The following SRSF12 variants were observed in gnomAD, a reference collection of about 807,000 sequenced individuals.
SRSF12 encodes the protein serine/arginine-rich splicing factor 12.
Under a neutral mutation model 34.1 loss-of-function variants are expected in SRSF12, and 21 were observed. That is an observed-to-expected ratio of 0.62 (90% confidence interval 0.44 to 0.89). The LOEUF (loss-of-function observed/expected upper bound fraction) is 0.89. SRSF12 is among the 40% of genes least tolerant of loss of function. The probability of loss-of-function intolerance (pLI) is 0.00; values close to 1 mark genes in which losing one functional copy is unlikely to be tolerated. For missense variants in SRSF12, 278 were observed against 327.8 expected (o/e 0.85, Z 1.17); for synonymous variants, 111 against 110.8 (o/e 1.00, Z -0.01).
In SRSF12 at chr6:89,107,468, A is replaced by G. The variant is rs528043337; in HGVS notation, c.66-210T>C. Among the ~76,000 whole-genome samples, 5 of 152,222 alleles carry G rather than the reference A, an allele frequency of 3.3e-5. No homozygotes were observed. In the East Asian group the frequency reaches 9.6e-4, roughly 29 times the overall value. On this transcript the variant is annotated intron_variant, in intron 1 of 4. Coordinates refer to ENST00000452027, the MANE Select transcript of SRSF12 (RefSeq NM_080743.5). ...TCTCAGGCCAGGTGTGGTGGCTCAC[A>G]CCTGTAATCCCAGCACTTTGGGGGA...
In SRSF12 at chr6:89,117,145, G is replaced by A. The variant is rs538213385; in HGVS notation, c.65+678C>T. Among the ~76,000 whole-genome samples, 19 of 152,274 alleles carry A rather than the reference G, an allele frequency of 1.2e-4. No individual in the cohort carries two copies. The South Asian group carries it at 2.5e-3, about 20-fold the overall frequency. Reference sequence around the variant, plus strand: ...CTGTAGACAAAATTCTCAACGGAGGGGTGGGGCATCAGAATCAACCAGGTG... The same window carrying A: ...CTGTAGACAAAATTCTCAACGGAGGAGTGGGGCATCAGAATCAACCAGGTG... On this transcript the variant is annotated intron_variant, in intron 1 of 4. Transcript: ENST00000452027.
chr6:89,104,668 T>C (rs1768703780), intron 4 of SRSF12, among the ~76,000 whole-genome samples: 1 of 152,160 alleles, frequency 6.6e-6, no homozygotes, highest in African/African-American at 2.4e-5. Context: ...CAATATATGA[T>C]AAATAGAGAA....
At position 89,097,408 on chromosome 6, in the gene SRSF12, G is replaced by A. The variant is rs1768317429; in HGVS notation, c.*1170C>T. On this transcript the variant is annotated 3_prime_UTR_variant, in exon 5 of 5. Transcript: ENST00000452027. ...ATTATTAGTTATAACAACTACAAAA[G>A]CAATAAATATCAATAAAGTTATTTG... 6.6e-6 allele frequency: 1 copy of A among 152,008 alleles called. No homozygotes were observed. Among genetic ancestry groups the A allele is most frequent in the South Asian group, 2.1e-4 (1 of 4,830 alleles). The allele number at this position is 152,008 out of a possible 1,614,324, so 9.4% of individuals were successfully genotyped here.
rs560239529 is a variant in SRSF12, at chr6:89,117,523, G to C, written c.65+300C>G. 3.5e-3 allele frequency among the ~76,000 whole-genome samples: 531 copies of C among 152,292 alleles called. 6 individuals carry two copies. The highest frequency in any genetic ancestry group is 0.012 in the African/African-American group (488 of 41,576). On this transcript the variant is annotated intron_variant, in intron 1 of 4. Coordinates refer to ENST00000452027, the MANE Select transcript of SRSF12 (RefSeq NM_080743.5). Reference sequence around the variant, plus strand: ...GGGAGCGACCTGAGCTCGGGAGAGGGGCGCCCCGTGTCCCACGGCCCGCCG... The same window carrying C: ...GGGAGCGACCTGAGCTCGGGAGAGGCGCGCCCCGTGTCCCACGGCCCGCCG...
At position 89,113,309 on chromosome 6, in the gene SRSF12, G is replaced by T. The variant is rs375664615; in HGVS notation, c.65+4514C>A. Among the ~76,000 whole-genome samples, 287 of 152,212 alleles carry T rather than the reference G, an allele frequency of 1.9e-3. 3 individuals are homozygous for T. Among genetic ancestry groups the T allele is most frequent in the African/African-American group, 6.2e-3 (259 of 41,534 alleles). On this transcript the variant is annotated intron_variant, in intron 1 of 4. Coordinates refer to ENST00000452027, the MANE Select transcript of SRSF12 (RefSeq NM_080743.5). ...CTGCCTCAGCCTCCCTAGTAGCTGG[G>T]ACTACAGGCGAGTGCCACCACGCCC...
Position 89,098,345 on chromosome 6 carries a change from TA to T in SRSF12, c.*232del. 3 of 391,822 alleles carry T rather than the reference TA, an allele frequency of 7.7e-6. No homozygotes were observed. The highest frequency in any genetic ancestry group is 1.3e-5 in the Non-Finnish European group (3 of 226,122). 24.3% of individuals were successfully genotyped at this position (391,822 alleles called of 1,614,324 possible). A position where few individuals can be genotyped will look rare whatever the true frequency, so the allele number is the denominator to read the frequency against. On this transcript the variant is annotated 3_prime_UTR_variant, in exon 5 of 5. Coordinates refer to ENST00000452027, the MANE Select transcript of SRSF12 (RefSeq NM_080743.5). ...AAGTACCCTTCTGCCACAATGTAAA[TA>T]AAAAATGGTCCATAAAATGGTGACA...
chr6:89,098,304 A>G lies in SRSF12; in HGVS notation c.*274T>C, dbSNP rs142368909. 2.9e-3 allele frequency: 866 copies of G among 295,140 alleles called. 3 individuals carry two copies. Among genetic ancestry groups the G allele is most frequent in the Non-Finnish European group, 4.1e-3 (653 of 159,022 alleles). 18.3% of individuals were successfully genotyped at this position (295,140 alleles called of 1,614,324 possible). A position where few individuals can be genotyped will look rare whatever the true frequency, so the allele number is the denominator to read the frequency against. On this transcript the variant is annotated 3_prime_UTR_variant, in exon 5 of 5. Transcript: ENST00000452027. ...GAATTTTAAAAATTAGTTCCAGTTT[A>G]CTCATTTCCCTTGAAAAGTACCCTT...
chr6:89,109,253 A>G (rs1470847087), intron 1 of SRSF12, among the ~76,000 whole-genome samples: 1 of 152,114 alleles, frequency 6.6e-6, no homozygotes, highest in Non-Finnish European at 1.5e-5. Context: ...GTTATGTTTA[A>G]TTTTTTCAGG....
intron 4 of SRSF12, among the ~76,000 whole-genome samples, chr6:89,099,456 G>GTATATATGTGTGTGTATA (rs1768425590): frequency 1.4e-5 from 2 of 141,316 alleles, no homozygotes; most frequent in Non-Finnish European, 1.5e-5. Flanking sequence ...ATATATGTGT[G>GTATATATGTGTGTGTATA]TATATATGTG....
chr6:89,114,383 G>A (rs1270638624), intron 1 of SRSF12, among the ~76,000 whole-genome samples: 1 of 152,174 alleles, frequency 6.6e-6, no homozygotes, highest in African/African-American at 2.4e-5. Context: ...AGCCGAGATC[G>A]TGCCACTGCA....
chr6:89,115,545 G>C (rs1769250146), intron 1 of SRSF12, among the ~76,000 whole-genome samples: 1 of 151,880 alleles, frequency 6.6e-6, no homozygotes, highest in Admixed American at 6.6e-5. Context: ...GTCTCCTAAA[G>C]TGCTGGGATT....
intron 1 of SRSF12, among the ~76,000 whole-genome samples, chr6:89,116,682 G>A (rs1486212804): frequency 6.6e-6 from 1 of 151,812 alleles, no homozygotes; most frequent in Non-Finnish European, 1.5e-5. Context: ...TGCTGAGGCA[G>A]GAGAATCGCT....
intron 1 of SRSF12, among the ~76,000 whole-genome samples, chr6:89,108,378 C>T (rs1768891337): frequency 6.6e-6 from 1 of 152,190 alleles, no homozygotes; most frequent in Admixed American, 6.5e-5. Context: ...GACAGAATTT[C>T]AGGTTATTTA....
intron 1 of SRSF12, among the ~76,000 whole-genome samples, chr6:89,107,697 C>T (rs1264727251): frequency 6.6e-6 from 1 of 152,100 alleles, no homozygotes; most frequent in Non-Finnish European, 1.5e-5. Context: ...GATCACACCA[C>T]TGCACTCCAT....
At chr6:89,101,655 G>A (rs1185555569) in intron 4 of SRSF12, among the ~76,000 whole-genome samples, 5 of 151,840 alleles carry the variant, frequency 3.3e-5, no homozygotes, top group Non-Finnish European at 5.9e-5. Context: ...CCGAGATTGT[G>A]CCACTGCACT....
At chr6:89,108,508 C>G (rs1012667638) in intron 1 of SRSF12, among the ~76,000 whole-genome samples, 11 of 152,228 alleles carry the variant, frequency 7.2e-5, no homozygotes, top group African/African-American at 2.7e-4. Flanking sequence ...ATCTTAACCA[C>G]TACACCCTAC....
chr6:89,111,595 G>T (rs1200648815), intron 1 of SRSF12, among the ~76,000 whole-genome samples: 1 of 152,008 alleles, frequency 6.6e-6, no homozygotes, highest in Admixed American at 6.6e-5. Flanking sequence ...ACCTAAGAAT[G>T]GTTACTTTTA....
rs373253455 is a variant in SRSF12, at chr6:89,113,645, G to T, written c.65+4178C>A. On this transcript the variant is annotated intron_variant, in intron 1 of 4. Coordinates refer to ENST00000452027, the MANE Select transcript of SRSF12 (RefSeq NM_080743.5). Reference sequence around the variant, plus strand: ...GTTTATAAGCATACTAAATGTTAAAGCCTATTTATTTATTTATTTTTGAGA... The same window carrying T: ...GTTTATAAGCATACTAAATGTTAAATCCTATTTATTTATTTATTTTTGAGA... Among the ~76,000 whole-genome samples the T allele has an allele frequency of 9.3e-4, 141 of 152,108 alleles. 1 individual carries two copies. Among genetic ancestry groups the T allele is most frequent in the African/African-American group, 3.2e-3 (134 of 41,502 alleles).
chr6:89,096,082 CCCAG>C lies in SRSF12; in HGVS notation c.*2492_*2495del, dbSNP rs1474157206. The C allele has an allele frequency of 6.6e-6, 1 of 152,164 alleles. No individual in the cohort carries two copies. Among genetic ancestry groups the C allele is most frequent in the Non-Finnish European group, 1.5e-5 (1 of 68,032 alleles). 9.4% of individuals were successfully genotyped at this position (152,164 alleles called of 1,614,324 possible). ...TCCCAGAAGACAATTTTCCAGGATA[CCCAG>C]CCAAACAATTTTCACCTAGTCACAA... On this transcript the variant is annotated 3_prime_UTR_variant, in exon 5 of 5. Coordinates refer to ENST00000452027, the MANE Select transcript of SRSF12 (RefSeq NM_080743.5).
Sources: gnomAD v4.1 joint callset for allele counts (sites outside exome capture counted in the v4.1 genomes callset) on GRCh38, gnomAD v4.1.1 for gene constraint, MANE v1.5 for transcripts, NCBI Gene and HGNC (gene_info 2026-07-23, HGNC 2026-07-21) for gene names.